The following AP1B1 variants were observed in gnomAD, a reference collection of about 807,000 sequenced individuals.
The protein encoded by AP1B1 is AP-1 complex subunit beta-1.
Under a neutral mutation model 104.3 loss-of-function variants are expected in AP1B1, and 36 were observed. The ratio of observed to expected loss-of-function variants is 0.35; its 90% CI spans 0.26 to 0.46. The LOEUF (loss-of-function observed/expected upper bound fraction) is 0.46, where lower values mean the gene tolerates loss of function less well. Ranked by LOEUF, AP1B1 falls within the 20% of genes least tolerant of loss-of-function variation. The pLI is 1.00. For missense variants in AP1B1, 901 were observed against 1,247.9 expected, an observed-to-expected ratio of 0.72 and a Z score of 4.19; for synonymous variants, 504 against 517.5, an observed-to-expected ratio of 0.97 and a Z score of 0.35.
chr22:29,367,279 G>C lies in AP1B1; in HGVS notation c.-27-9C>G. The stretch of plus-strand genomic sequence containing the variant: ...TATCTGTAGCCAGGCTTCTGCAAGA[G>C]AGAGAAGAGAGGGGTGACTTTCAGT... On this transcript the variant is annotated splice_polypyrimidine_tract_variant and intron_variant, in intron 1 of 22. Coordinates refer to ENST00000357586, the MANE Select transcript of AP1B1 (RefSeq NM_001127.4). 2.1e-6 allele frequency: 3 copies of C among 1,456,042 alleles called. No homozygotes were observed. Among genetic ancestry groups the C allele is most frequent in the Non-Finnish European group, 2.9e-6 (3 of 1,041,168 alleles). 90.2% of individuals were successfully genotyped at this position (1,456,042 alleles called of 1,614,324 possible). A position where few individuals can be genotyped will look rare whatever the true frequency, so the allele number is the denominator to read the frequency against.
Position 29,354,838 on chromosome 22 carries a change from A to G in AP1B1, c.750T>C (p.His250=), listed in dbSNP as rs1207858279. The G allele has an allele frequency of 1.2e-6, 2 of 1,614,052 alleles. No individual in the cohort carries two copies. The change falls in exon 7 of 23, where the codon CAT becomes CAC. Residue 250 remains histidine, a synonymous_variant. Transcript: ENST00000357586. ...ICERVTPRLS[H]ANSAVVLSAV... ...CAGAGAGCACCACAGCGGAGTTGGC[A>G]TGGGAGAGCCTGGGGGTGACCCGCT...
chr22:29,330,968 C>G (rs1181186406), intron 19 of AP1B1, among the ~76,000 whole-genome samples: 1 of 152,214 alleles, frequency 6.6e-6, no homozygotes, highest in Non-Finnish European at 1.5e-5. Flanking sequence ...CGCCTTCCTC[C>G]TCCTCGGTGA....
chr22:29,386,857 C>T (rs952539077), intron 1 of AP1B1, among the ~76,000 whole-genome samples: 2 of 152,166 alleles, frequency 1.3e-5, no homozygotes, highest in African/African-American at 4.8e-5. Context: ...TTCATACAGC[C>T]TAGTCCTCCA....
At chr22:29,347,622 G>A (rs1418856804) in intron 11 of AP1B1, among the ~76,000 whole-genome samples, 10 of 152,158 alleles carry the variant, frequency 6.6e-5, no homozygotes, top group Non-Finnish European at 1.5e-5. Context: ...TGAGAAAAGG[G>A]AATACAAATG....
In AP1B1 at chr22:29,363,018, G is replaced by A. The variant is rs377318782; in HGVS notation, c.126C>T (p.Thr42=). Residue 42 remains threonine (T), a synonymous_variant, in exon 3 of 23, where the codon ACC becomes ACT. Transcript: ENST00000357586. ...CTGCACACCTGACATCTTTGCCCAC[G>A]GTCATCGATGCAATCACTTTCTTCA... The part of the protein sequence containing the change: ...EAVKKVIASM[T]VGKDVSALFP... The A allele has an allele frequency of 1.0e-4, 161 of 1,610,622 alleles. 1 individual carries two copies. Among genetic ancestry groups the A allele is most frequent in the African/African-American group, 4.0e-4 (30 of 74,918 alleles).
chr22:29,353,892 T>G (rs2061914817), intron 7 of AP1B1, among the ~76,000 whole-genome samples: 1 of 152,148 alleles, frequency 6.6e-6, no homozygotes, highest in South Asian at 2.1e-4. Context: ...TGAGGAGAAC[T>G]CAAGGTCAAT....
At position 29,339,792 on chromosome 22, in the gene AP1B1, C is replaced by A. The variant is rs373308123; in HGVS notation, c.1999-18G>T. ...TCCCCCATCTCCAAGCAGAAGCAGG[C>A]AGGTGAAGAGAACAGGCAGCCACAT... On this transcript the variant is annotated intron_variant, in intron 14 of 22. Transcript: ENST00000357586. 3.7e-6 allele frequency: 6 copies of A among 1,604,966 alleles called. No homozygotes were observed. The African/African-American group carries it at 8.1e-5, about 22-fold the overall frequency.
intron 6 of AP1B1, among the ~76,000 whole-genome samples, chr22:29,356,216 T>C (rs1470836403): frequency 1.3e-5 from 2 of 152,232 alleles, no homozygotes; most frequent in Non-Finnish European, 2.9e-5. Context: ...GCCATGCGTA[T>C]GCCCATAGCT....
chr22:29,359,841 C>T lies in AP1B1; in HGVS notation c.262G>A (p.Val88Ile). The change falls in exon 4 of 23, where the codon GTC (valine) becomes ATC (isoleucine). Residue 88 changes from valine to isoleucine, a missense_variant. Transcript: ENST00000357586. ...KSQPDMAIMA[V>I]NTFVKDCEDP... ...CTGCTCACCTTCACAAAGGTGTTGA[C>T]GGCCATAATGGCCATGTCAGGCTGA... 1 of 1,613,648 alleles carries T rather than the reference C, an allele frequency of 6.2e-7. No individual in the cohort carries two copies. The highest frequency in any genetic ancestry group is 8.5e-7 in the Non-Finnish European group (1 of 1,179,770).
At chr22:29,356,114 C>T (rs991797671) in intron 6 of AP1B1, among the ~76,000 whole-genome samples, 1 of 152,216 alleles carries the variant, frequency 6.6e-6, no homozygotes, top group Admixed American at 6.5e-5. Flanking sequence ...GCCCCAGACA[C>T]CCAGTGAGAA....
chr22:29,365,413 G>A (rs1301950138), intron 2 of AP1B1, among the ~76,000 whole-genome samples: 1 of 152,024 alleles, frequency 6.6e-6, no homozygotes, highest in Non-Finnish European at 1.5e-5. Flanking sequence ...TGGGAGAATT[G>A]CTTGAACCCA....
In AP1B1 at chr22:29,363,081, C is replaced by T. The variant is rs778833677; in HGVS notation, c.63G>A (p.Glu21=). ...KKGEIFELKA[E]LNSDKKEKKK... ...TCTTCTCCTTCTTGTCACTGTTGAG[C>T]TCTGCCTTCAGCTCGAAGATCTCCC... The change falls in exon 3 of 23, where the codon GAG becomes GAA. Residue 21 remains glutamate, a synonymous_variant. Transcript: ENST00000357586. 365 of 1,535,498 alleles carry T rather than the reference C, an allele frequency of 2.4e-4. 7 individuals carry two copies. The Middle Eastern group carries it at 0.017, about 73-fold the overall frequency.
At chr22:29,335,808 G>A (rs893037507) in intron 16 of AP1B1, among the ~76,000 whole-genome samples, 2 of 152,060 alleles carry the variant, frequency 1.3e-5, no homozygotes, top group African/African-American at 4.8e-5. Context: ...CATCCTGCTC[G>A]GTTAACCCTG....
chr22:29,368,274 G>A (rs1286155256), intron 1 of AP1B1, among the ~76,000 whole-genome samples: 1 of 151,934 alleles, frequency 6.6e-6, no homozygotes. Context: ...CTCCAGCCTG[G>A]GAGACAGAGC....
chr22:29,338,919 T>C, intron 16 of AP1B1, 71 bp downstream of exon 16: 5 of 1,591,724 alleles, frequency 3.1e-6, no homozygotes, highest in Non-Finnish European at 3.4e-6. Context: ...CCGAGGCCAT[T>C]TAAAGGAGCC....
Position 29,375,117 on chromosome 22 carries a change from G to A in AP1B1, c.-27-7847C>T, listed in dbSNP as rs537007950. 2.0e-4 allele frequency among the ~76,000 whole-genome samples: 31 copies of A among 152,292 alleles called. No individual in the cohort carries two copies. In the South Asian group the frequency reaches 5.8e-3, roughly 28 times the overall value. ...TGTGATCCCAGCACTTCGGGAGGCC[G>A]AGGCAGGTGGATCACAAGGTCAGGA... On this transcript the variant is annotated intron_variant, in intron 1 of 22. Coordinates refer to ENST00000357586, the MANE Select transcript of AP1B1 (RefSeq NM_001127.4).
At chr22:29,374,498 C>T (rs1437379096) in intron 1 of AP1B1, among the ~76,000 whole-genome samples, 1 of 152,170 alleles carries the variant, frequency 6.6e-6, no homozygotes, top group Non-Finnish European at 1.5e-5. Flanking sequence ...AGGATGTGGA[C>T]AGTTCACAGA....
chr22:29,383,566 G>A (rs928621473), intron 1 of AP1B1, among the ~76,000 whole-genome samples: 11 of 151,866 alleles, frequency 7.2e-5, no homozygotes, highest in African/African-American at 1.2e-4. Flanking sequence ...AAAATTAGCC[G>A]GGCGTGGTGG....
At chr22:29,364,826 A>C (rs1169077139) in intron 2 of AP1B1, among the ~76,000 whole-genome samples, 1 of 151,736 alleles carries the variant, frequency 6.6e-6, no homozygotes, top group African/African-American at 2.4e-5. Flanking sequence ...CTGCTGCCTC[A>C]GCCTCCCAAA....
Sources: allele counts gnomAD v4.1 joint callset (sites outside exome capture counted in the v4.1 genomes callset), GRCh38; gene constraint gnomAD v4.1.1; transcripts MANE v1.5; gene names NCBI Gene and HGNC (gene_info 2026-07-23, HGNC 2026-07-21).